The following STX8 variants were observed in gnomAD, a reference collection of about 807,000 sequenced individuals.
The protein encoded by STX8 is syntaxin 8.
In STX8, 23 loss-of-function variants were observed where a neutral mutation model predicts 37.5. The ratio of observed to expected loss-of-function variants is 0.61; its 90% confidence interval spans 0.44 to 0.87. The LOEUF is 0.87. Among genes scored for constraint, STX8 ranks in the 40% least tolerant of loss-of-function variants. The pLI, the probability that STX8 is intolerant of heterozygous loss-of-function variation, is 0.00. For synonymous variants in STX8, 115 were observed against 99.1 expected, an observed-to-expected ratio of 1.16 and a Z score of -0.95; for missense variants, 313 against 284.7, an observed-to-expected ratio of 1.10 and a Z score of -0.71.
chr17:9,483,315 G>C (rs1446449359), intron 6 of STX8, among the ~76,000 whole-genome samples: 1 of 152,148 alleles, frequency 6.6e-6, no homozygotes, highest in African/African-American at 2.4e-5. Context: ...TCCTGCTTCA[G>C]TCACTGCACT....
chr17:9,529,044 G>C (rs530094975), intron 4 of STX8, among the ~76,000 whole-genome samples: 1 of 152,144 alleles, frequency 6.6e-6, no homozygotes, highest in East Asian at 1.9e-4. Flanking sequence ...AGGGAAGAGG[G>C]AAACCGTTAC....
chr17:9,522,417 G>T (rs751664576), intron 4 of STX8, among the ~76,000 whole-genome samples: 6 of 152,006 alleles, frequency 3.9e-5, no homozygotes, highest in Non-Finnish European at 8.8e-5. Context: ...TTTCCTATCG[G>T]CCGGGCACGG....
intron 6 of STX8, among the ~76,000 whole-genome samples, chr17:9,447,526 A>G (rs1016256531): frequency 6.6e-6 from 1 of 152,222 alleles, no homozygotes; most frequent in Non-Finnish European, 1.5e-5. Context: ...GAGTTCAAGC[A>G]ATTCTTCTGC....
chr17:9,402,279 C>A (rs888381431), intron 6 of STX8, among the ~76,000 whole-genome samples: 2 of 152,052 alleles, frequency 1.3e-5, no homozygotes, highest in African/African-American at 4.8e-5. Flanking sequence ...ACCACCATGT[C>A]TGGCAAATTT....
chr17:9,263,436 G>A (rs182154942), intron 7 of STX8, among the ~76,000 whole-genome samples: 2 of 147,806 alleles, frequency 1.4e-5, no homozygotes, highest in East Asian at 2.1e-4. Flanking sequence ...CCGAGATCGC[G>A]CCATTGCACT....
At chr17:9,465,689 C>T (rs528683249) in intron 6 of STX8, among the ~76,000 whole-genome samples, 3 of 152,166 alleles carry the variant, frequency 2.0e-5, no homozygotes, top group Admixed American at 6.6e-5. Context: ...CAGCGCTATG[C>T]GGTATCGGAT....
chr17:9,375,996 C>T (rs576541162), intron 7 of STX8, among the ~76,000 whole-genome samples: 3 of 152,196 alleles, frequency 2.0e-5, no homozygotes, highest in African/African-American at 7.2e-5. Flanking sequence ...GGGAGGTGGC[C>T]AGCACTGGAC....
intron 7 of STX8, among the ~76,000 whole-genome samples, chr17:9,318,784 C>T (rs915935840): frequency 6.6e-6 from 1 of 152,036 alleles, no homozygotes; most frequent in Non-Finnish European, 1.5e-5. Flanking sequence ...CCACTCTTGC[C>T]CCCCTGTTTT....
chr17:9,527,960 C>G (rs560274042), intron 4 of STX8, among the ~76,000 whole-genome samples: 1 of 152,252 alleles, frequency 6.6e-6, no homozygotes, highest in South Asian at 2.1e-4. Context: ...CTAAACAACC[C>G]AACGTCCATC....
In STX8 at chr17:9,458,410, A is replaced by C. The variant is rs886514898; in HGVS notation, c.541+33419T>G. Among the ~76,000 whole-genome samples the C allele has an allele frequency of 7.9e-5, 12 of 151,618 alleles. No homozygotes were observed. In the South Asian group the frequency reaches 1.5e-3, roughly 18 times the overall value. On this transcript the variant is annotated intron_variant, in intron 6 of 7. Transcript: ENST00000306357. ...GTGATCCGCCCGCCTTGGCCTCCCA[A>C]AGTGCTGGGATTACAGGCGTGAGCC...
chr17:9,529,620 A>C (rs1464318433), intron 4 of STX8, among the ~76,000 whole-genome samples: 1 of 152,174 alleles, frequency 6.6e-6, no homozygotes, highest in East Asian at 1.9e-4. Flanking sequence ...TAACACTGTA[A>C]GTCTCACCTT....
At chr17:9,516,156 C>T (rs962097454) in intron 4 of STX8, among the ~76,000 whole-genome samples, 2 of 151,538 alleles carry the variant, frequency 1.3e-5, no homozygotes, top group African/African-American at 4.8e-5. Flanking sequence ...GGTGTTATTG[C>T]TCCTCTGAAC....
At chr17:9,554,616 C>A (rs555674064) in intron 3 of STX8, 1 of 152,256 alleles carries the variant, frequency 6.6e-6, no homozygotes, top group African/African-American at 2.4e-5. Context: ...TCAAAAGTGG[C>A]CTCCGTGGCC....
At chr17:9,421,998 A>G (rs578039705) in intron 6 of STX8, among the ~76,000 whole-genome samples, 4 of 151,706 alleles carry the variant, frequency 2.6e-5, no homozygotes, top group Non-Finnish European at 5.9e-5. Context: ...TTCTGCCACG[A>G]TTCTAAGCTT....
chr17:9,510,651 T>C (rs1213258839), intron 4 of STX8, among the ~76,000 whole-genome samples: 1 of 151,768 alleles, frequency 6.6e-6, no homozygotes, highest in Admixed American at 6.6e-5. Context: ...TAACAATAAA[T>C]GCCTACAATA....
Position 9,344,406 on chromosome 17 carries a change from G to A in STX8, c.643+34146C>T, listed in dbSNP as rs565248528. On this transcript the variant is annotated intron_variant, in intron 7 of 7. Transcript: ENST00000306357. ...CTCCCGAGTAGTTGGGATTACAGGC[G>A]TCCGCCACCACACCCAGCTAATTTT... Among the ~76,000 whole-genome samples the A allele has an allele frequency of 2.6e-5, 4 of 151,978 alleles. No individual in the cohort carries two copies. The East Asian group carries it at 7.7e-4, about 29-fold the overall frequency.
intron 7 of STX8, among the ~76,000 whole-genome samples, chr17:9,368,638 GC>G (rs1428493313): frequency 2.6e-5 from 4 of 152,134 alleles, no homozygotes; most frequent in Non-Finnish European, 1.5e-5. Context: ...CACTGCACAT[GC>G]AGGTCTCTCT....
At chr17:9,556,676 A>G (rs1250763807) in intron 3 of STX8, among the ~76,000 whole-genome samples, 5 of 149,404 alleles carry the variant, frequency 3.3e-5, no homozygotes, top group African/African-American at 1.2e-4. Context: ...TCCTGGCCTC[A>G]AGTGCTTGGC....
Position 9,390,786 on chromosome 17 carries a change from G to A in STX8, c.542-12133C>T, listed in dbSNP as rs574491327. On this transcript the variant is annotated intron_variant, in intron 6 of 7. Transcript: ENST00000306357. ...CGGGAGGTGGAGGTTGCAGTGAGCC[G>A]AGATCGCGCCATTGCACTCCAGCCT... Among the ~76,000 whole-genome samples the A allele has an allele frequency of 1.1e-3, 162 of 144,534 alleles. No homozygotes were observed. In the East Asian group the frequency reaches 0.012, roughly 11 times the overall value. The allele number at this position is 144,534 out of a possible 152,430, so 94.8% of individuals were successfully genotyped here. A position where few individuals can be genotyped will look rare whatever the true frequency, so the allele number is the denominator to read the frequency against.
Sources: gnomAD v4.1 joint callset for allele counts (sites outside exome capture counted in the v4.1 genomes callset) on GRCh38, gnomAD v4.1.1 for gene constraint, MANE v1.5 for transcripts, NCBI Gene and HGNC (gene_info 2026-07-23, HGNC 2026-07-21) for gene names.